The following NRIP3 variants were observed in gnomAD, a reference collection of about 807,000 sequenced individuals.
The protein encoded by NRIP3 is nuclear receptor interacting protein 3.
A neutral mutation model predicts 29.0 loss-of-function variants in NRIP3; 31 were observed. The observed-to-expected ratio is 1.07, with a 90% confidence interval of 0.80 to 1.44. The LOEUF (loss-of-function observed/expected upper bound fraction) is 1.44, where lower values mean the gene tolerates loss of function less well. Among genes scored for constraint, NRIP3 ranks in the 40% most tolerant of loss-of-function variants. The pLI, the probability that NRIP3 is intolerant of heterozygous loss-of-function variation, is 0.00. For missense variants in NRIP3, 314 were observed against 297.9 expected, an observed-to-expected ratio of 1.05 and a Z score of -0.40; for synonymous variants, 131 against 118.3, an observed-to-expected ratio of 1.11 and a Z score of -0.70.
intron 1 of NRIP3, among the ~76,000 whole-genome samples, chr11:8,992,780 G>C (rs1241116447): frequency 6.6e-6 from 1 of 152,072 alleles, no homozygotes; most frequent in Admixed American, 6.6e-5. Context: ...CGGGCGTGGT[G>C]GTGGGTGCCT....
intron 1 of NRIP3, among the ~76,000 whole-genome samples, chr11:9,002,577 A>G (rs1418329400): frequency 1.1e-4 from 14 of 131,172 alleles, no homozygotes; most frequent in Admixed American, 1.0e-3. Context: ...GTACCTGTGT[A>G]TCATTAGAGC....
chr11:9,002,837 A>G (rs1446941144), intron 1 of NRIP3, among the ~76,000 whole-genome samples: 2 of 152,226 alleles, frequency 1.3e-5, no homozygotes, highest in Non-Finnish European at 2.9e-5. Context: ...ATTCAAGAAA[A>G]CAATCAAACT....
At position 9,003,760 on chromosome 11, in the gene NRIP3, A is replaced by C; in HGVS notation, c.174+2T>G. ...GGGGCGAGAACGGCGGCGGGGGCTCACCATGTCCTTGGACGAGCCCAGCTT... is the reference window on the plus strand; with the variant it reads ...GGGGCGAGAACGGCGGCGGGGGCTCCCCATGTCCTTGGACGAGCCCAGCTT... On this transcript the variant is annotated splice_donor_variant, in intron 1 of 6. Transcript: ENST00000309166. LOFTEE classifies it high-confidence loss of function. The C allele has an allele frequency of 7.0e-7, 1 of 1,432,786 alleles. No homozygotes were observed. Among genetic ancestry groups the C allele is most frequent in the Non-Finnish European group, 9.2e-7 (1 of 1,085,010 alleles). The allele number at this position is 1,432,786 out of a possible 1,614,324, so 88.8% of individuals were successfully genotyped here. A position where few individuals can be genotyped will look rare whatever the true frequency, so the allele number is the denominator to read the frequency against.
intron 1 of NRIP3, among the ~76,000 whole-genome samples, chr11:8,999,149 G>C (rs1854757664): frequency 1.3e-5 from 2 of 152,154 alleles, no homozygotes; most frequent in Admixed American, 1.3e-4. Flanking sequence ...GCTCCCCGCT[G>C]CAAGTCTTAT....
At chr11:8,998,710 T>C (rs895247575) in intron 1 of NRIP3, among the ~76,000 whole-genome samples, 19 of 151,922 alleles carry the variant, frequency 1.3e-4, no homozygotes, top group Non-Finnish European at 2.2e-4. Context: ...TATCTTCTTC[T>C]AGAATTGTCT....
chr11:9,004,048 G>A (rs952100957), upstream of NRIP3: 6 of 1,094,766 alleles, frequency 5.5e-6, no homozygotes, highest in African/African-American at 5.0e-5. Flanking sequence ...GCGTGACGTC[G>A]CGGGGAGCAG....
At chr11:8,997,980 C>A (rs2134927478) in intron 1 of NRIP3, among the ~76,000 whole-genome samples, 1 of 152,270 alleles carries the variant, frequency 6.6e-6, no homozygotes, top group East Asian at 1.9e-4. Flanking sequence ...AGCAACAGAG[C>A]CACAACTAGA....
chr11:8,982,186 G>C lies in NRIP3; in HGVS notation c.*1359C>G, dbSNP rs908138910. 1.3e-5 allele frequency: 2 copies of C among 152,172 alleles called. No individual in the cohort carries two copies. The highest frequency in any genetic ancestry group is 2.9e-5 in the Non-Finnish European group (2 of 68,042). 9.4% of individuals were successfully genotyped at this position (152,172 alleles called of 1,614,324 possible). ...TTATAGACACCTGTGTGCCTAATGT[G>C]ACACCCCAGTCAAAAAGCTTCAAGA... On this transcript the variant is annotated 3_prime_UTR_variant, in exon 7 of 7. Transcript: ENST00000309166.
intron 1 of NRIP3, 51 bp from the exon 2 acceptor site, chr11:8,988,333 T>G (rs907967153): frequency 1.4e-5 from 20 of 1,466,774 alleles, no homozygotes; most frequent in Non-Finnish European, 1.7e-5. Context: ...CATCCCTCTT[T>G]CCCATTGTCC....
chr11:9,001,048 T>C (rs190956452), intron 1 of NRIP3, among the ~76,000 whole-genome samples: 55 of 152,122 alleles, frequency 3.6e-4, no homozygotes, highest in African/African-American at 1.2e-3. Flanking sequence ...GCCTGGGCAA[T>C]AGAGTGAGAA....
chr11:8,995,550 C>T (rs1854686796), intron 1 of NRIP3, among the ~76,000 whole-genome samples: 1 of 152,178 alleles, frequency 6.6e-6, no homozygotes, highest in African/African-American at 2.4e-5. Context: ...CTGCTTCTCC[C>T]CATCTTTACT....
intron 1 of NRIP3, among the ~76,000 whole-genome samples, chr11:8,994,244 A>G (rs1286103978): frequency 6.6e-6 from 1 of 152,178 alleles, no homozygotes; most frequent in East Asian, 1.9e-4. Context: ...TAACACCATC[A>G]ATTGCTTTTA....
At chr11:8,999,094 C>T (rs1034677193) in intron 1 of NRIP3, among the ~76,000 whole-genome samples, 54 of 152,166 alleles carry the variant, frequency 3.5e-4, no homozygotes, top group Non-Finnish European at 1.9e-4. Context: ...TGAGCCAGCG[C>T]GCCCAGCCCG....
chr11:8,988,008 T>A, intron 2 of NRIP3, 110 bp downstream of exon 2: 1 of 1,063,908 alleles, frequency 9.4e-7, no homozygotes, highest in African/African-American at 1.6e-5. Context: ...GTGCCCCTTT[T>A]AAAACTCACT....
Position 9,003,838 on chromosome 11 carries a change from A to G in NRIP3, c.98T>C (p.Val33Ala), listed in dbSNP as rs1225287131. ...LRQQRRMKQA[V>A]QFIHKDSADL... ...GGCGGAGTCCTTGTGGATGAACTGC[A>G]CCGCCTGCTTCATCCGGCGCTGCTG... Residue 33 changes from valine (V) to alanine (A), a missense_variant, in exon 1 of 7, where the codon GTG becomes GCG. Physicochemically the swap from Val to Ala is moderately conservative, Grantham distance 64. Transcript: ENST00000309166. 6.6e-7 allele frequency: 1 copy of G among 1,520,870 alleles called. No individual in the cohort carries two copies. Among genetic ancestry groups the G allele is most frequent in the Non-Finnish European group, 8.8e-7 (1 of 1,135,986 alleles). 94.2% of individuals were successfully genotyped at this position (1,520,870 alleles called of 1,614,324 possible). A position where few individuals can be genotyped will look rare whatever the true frequency, so the allele number is the denominator to read the frequency against.
chr11:8,992,445 A>T (rs1854621959), intron 1 of NRIP3, among the ~76,000 whole-genome samples: 2 of 152,226 alleles, frequency 1.3e-5, no homozygotes. Flanking sequence ...AGGAAAAAAG[A>T]TCCACATCAA....
At chr11:8,985,659 A>C in intron 4 of NRIP3, 52 bp downstream of exon 4, 2 of 1,582,878 alleles carry the variant, frequency 1.3e-6, no homozygotes, top group Admixed American at 3.6e-5. Flanking sequence ...TGTTGGGGGT[A>C]GGGAGAGGGT....
In NRIP3 at chr11:8,983,231, C is replaced by G. The variant is rs1404315760; in HGVS notation, c.*314G>C. ...ATGGAGACACAGAACCTGGCAGCCC[C>G]TATACTTGACTAATAAAAGCAAATT... On this transcript the variant is annotated 3_prime_UTR_variant, in exon 7 of 7. Transcript: ENST00000309166. 3 of 472,706 alleles carry G rather than the reference C, an allele frequency of 6.3e-6. No homozygotes were observed. Among genetic ancestry groups the G allele is most frequent in the Non-Finnish European group, 1.1e-5 (3 of 263,828 alleles). The allele number at this position is 472,706 out of a possible 1,614,324, so 29.3% of individuals were successfully genotyped here.
intron 1 of NRIP3, among the ~76,000 whole-genome samples, chr11:9,003,130 C>A (rs1402877578): frequency 6.6e-6 from 1 of 152,182 alleles, no homozygotes; most frequent in African/African-American, 2.4e-5. Context: ...TGGCTTCCTC[C>A]CTCTACCCAC....
Sources: allele counts gnomAD v4.1 joint callset (sites outside exome capture counted in the v4.1 genomes callset), GRCh38; gene constraint gnomAD v4.1.1; transcripts MANE v1.5; gene names NCBI Gene and HGNC (gene_info 2026-07-23, HGNC 2026-07-21).